FCHSD2: variants seen among roughly 807,000 people sequenced by gnomAD.
FCHSD2 encodes F-BAR and double SH3 domains protein 2.
Under a neutral mutation model 108.1 loss-of-function variants are expected in FCHSD2, and 38 were observed. The observed-to-expected ratio is 0.35, with a 90% CI of 0.27 to 0.46. The LOEUF (loss-of-function observed/expected upper bound fraction) is 0.46, where lower values mean the gene tolerates loss of function less well. Ranked by LOEUF, FCHSD2 falls within the 20% of genes least tolerant of loss-of-function variation. The probability of loss-of-function intolerance (pLI) is 1.00; values close to 1 mark genes in which losing one functional copy is unlikely to be tolerated. For synonymous variants in FCHSD2, 279 were observed against 314.7 expected (o/e 0.89, Z 1.20); for missense variants, 751 against 897.8 (o/e 0.84, Z 2.09).
intron 9 of FCHSD2, among the ~76,000 whole-genome samples, chr11:72,914,472 G>A (rs1371128795): frequency 6.6e-5 from 10 of 152,106 alleles, no homozygotes; most frequent in Non-Finnish European, 1.0e-4. Flanking sequence ...GAGGCATCAC[G>A]CTACCCAACT....
chr11:72,879,553 A>T (rs1313768814), intron 12 of FCHSD2, among the ~76,000 whole-genome samples: 2 of 152,194 alleles, frequency 1.3e-5, no homozygotes, highest in African/African-American at 4.8e-5. Context: ...GATAAATAGG[A>T]ATGAACTAGA....
intron 8 of FCHSD2, among the ~76,000 whole-genome samples, chr11:72,953,406 C>G (rs981541072): frequency 6.6e-6 from 1 of 152,076 alleles, no homozygotes; most frequent in Admixed American, 6.6e-5. Context: ...AATAAATTCT[C>G]TCTCTTAAGG....
intron 13 of FCHSD2, among the ~76,000 whole-genome samples, chr11:72,851,381 T>C (rs556994723): frequency 6.6e-6 from 1 of 152,274 alleles, no homozygotes; most frequent in South Asian, 2.1e-4. Flanking sequence ...TATATGTCCA[T>C]CAACAGGGGA....
chr11:72,860,284 T>C (rs1362588165), intron 13 of FCHSD2, among the ~76,000 whole-genome samples: 2 of 152,206 alleles, frequency 1.3e-5, no homozygotes, highest in African/African-American at 4.8e-5. Flanking sequence ...CAACCTGACT[T>C]AATTGACATT....
At chr11:72,868,595 G>A (rs1854782124) in intron 12 of FCHSD2, among the ~76,000 whole-genome samples, 2 of 152,086 alleles carry the variant, frequency 1.3e-5, no homozygotes, top group Non-Finnish European at 2.9e-5. Flanking sequence ...GGAGCCTAAG[G>A]TGGGAGGATC....
At chr11:72,996,928 G>A (rs1390861752) in intron 5 of FCHSD2, among the ~76,000 whole-genome samples, 3 of 152,164 alleles carry the variant, frequency 2.0e-5, no homozygotes, top group Non-Finnish European at 4.4e-5. Flanking sequence ...TTGAATCATG[G>A]TATAAAGAAA....
chr11:72,898,553 A>ATAT (rs1318093485), intron 10 of FCHSD2, among the ~76,000 whole-genome samples: 2 of 152,206 alleles, frequency 1.3e-5, no homozygotes, highest in African/African-American at 4.8e-5. Flanking sequence ...TTACCTGAGT[A>ATAT]TATAGTTCTC....
At chr11:72,994,361 C>A (rs1173422210) in intron 5 of FCHSD2, among the ~76,000 whole-genome samples, 1 of 152,022 alleles carries the variant, frequency 6.6e-6, no homozygotes, top group Non-Finnish European at 1.5e-5. Flanking sequence ...CACATTTAGT[C>A]CTTGAAACGA....
intron 4 of FCHSD2, 102 bp downstream of exon 4, chr11:73,015,707 A>G (rs1591483822): frequency 3.3e-6 from 2 of 610,980 alleles, no homozygotes; most frequent in East Asian, 6.2e-5. Context: ...AGCAGAGGAA[A>G]GAAGTAATTC....
chr11:72,857,778 G>A (rs555396927), intron 13 of FCHSD2, among the ~76,000 whole-genome samples: 1 of 152,130 alleles, frequency 6.6e-6, no homozygotes, highest in Non-Finnish European at 1.5e-5. Flanking sequence ...GCAGAGGCAG[G>A]AAAGATGATC....
chr11:73,086,146 G>A (rs1391349844), intron 2 of FCHSD2, among the ~76,000 whole-genome samples: 2 of 152,192 alleles, frequency 1.3e-5, no homozygotes, highest in Non-Finnish European at 2.9e-5. Flanking sequence ...AGTGGCTCAC[G>A]CCTGTAATCC....
chr11:72,860,400 C>T (rs1380798524), intron 13 of FCHSD2, among the ~76,000 whole-genome samples: 2 of 151,892 alleles, frequency 1.3e-5, no homozygotes, highest in African/African-American at 4.8e-5. Context: ...AAACAAAGCT[C>T]AAAAAGTTTA....
chr11:73,079,425 C>T (rs543212968), intron 3 of FCHSD2, among the ~76,000 whole-genome samples: 2 of 152,086 alleles, frequency 1.3e-5, no homozygotes, highest in Admixed American at 1.3e-4. Flanking sequence ...GTCTCGAACT[C>T]CTGATGTCGT....
chr11:73,134,069 A>G (rs1376947978), intron 2 of FCHSD2, among the ~76,000 whole-genome samples: 1 of 152,018 alleles, frequency 6.6e-6, no homozygotes, highest in East Asian at 1.9e-4. Flanking sequence ...TGTAACTTAC[A>G]TGATATGTAC....
At chr11:72,997,705 C>T (rs1857546034) in intron 5 of FCHSD2, among the ~76,000 whole-genome samples, 1 of 152,096 alleles carries the variant, frequency 6.6e-6, no homozygotes, top group East Asian at 1.9e-4. Context: ...ATGAGGTTTT[C>T]TTTGTTTTGT....
At chr11:73,135,521 G>A (rs1012861894) in intron 2 of FCHSD2, among the ~76,000 whole-genome samples, 1 of 152,126 alleles carries the variant, frequency 6.6e-6, no homozygotes, top group African/African-American at 2.4e-5. Context: ...ACAATCCTAA[G>A]AAGAAAAGTA....
chr11:72,969,526 T>C (rs1856971404), intron 8 of FCHSD2, among the ~76,000 whole-genome samples: 1 of 152,322 alleles, frequency 6.6e-6, no homozygotes, highest in African/African-American at 2.4e-5. Flanking sequence ...CTTACTTCTT[T>C]GTGTGCCTTG....
chr11:73,131,676 T>C (rs898488847), intron 2 of FCHSD2, among the ~76,000 whole-genome samples: 18 of 150,182 alleles, frequency 1.2e-4, no homozygotes, highest in African/African-American at 4.2e-4. Flanking sequence ...TGCACTCCGG[T>C]CTAGGCAACA....
At chr11:72,984,366 T>C (rs1857272787) in intron 7 of FCHSD2, 150 bp from the exon 8 acceptor site, 1 of 646,798 alleles carries the variant, frequency 1.5e-6, no homozygotes, top group African/African-American at 1.8e-5. Flanking sequence ...ATAAAAATTA[T>C]TCATCACTAC....
Sources: gnomAD v4.1 joint callset for allele counts (sites outside exome capture counted in the v4.1 genomes callset) on GRCh38, gnomAD v4.1.1 for gene constraint, MANE v1.5 for transcripts, NCBI Gene and HGNC (gene_info 2026-07-23, HGNC 2026-07-21) for gene names.